Variants in CAVIN4 observed in about 807,000 individuals in gnomAD.
CAVIN4 encodes caveolae-associated protein 4.
A neutral mutation model predicts 18.6 loss-of-function variants in CAVIN4; 10 were observed. The ratio of observed to expected loss-of-function variants is 0.54; its 90% CI spans 0.33 to 0.91. The LOEUF is 0.91. Among genes scored for constraint, CAVIN4 ranks in the 40% least tolerant of loss-of-function variants. The pLI is 0.02. For synonymous variants in CAVIN4, 173 were observed against 164.8 expected (o/e 1.05, Z -0.38); for missense variants, 459 against 440.5 (o/e 1.04, Z -0.38).
intron 1 of CAVIN4, among the ~76,000 whole-genome samples, chr9:100,583,525 G>T (rs545197421): frequency 2.0e-5 from 3 of 152,016 alleles, no homozygotes; most frequent in Non-Finnish European, 4.4e-5. Flanking sequence ...TGTTCTCCCT[G>T]CTTCTTTTCT....
Position 100,586,034 on chromosome 9 carries a change from G to C in CAVIN4, c.678G>C (p.Val226=), listed in dbSNP as rs201259397. 3.3e-5 allele frequency: 53 copies of C among 1,614,094 alleles called. No homozygotes were observed. The highest frequency in any genetic ancestry group is 1.7e-6 in the Non-Finnish European group (2 of 1,180,040). ...TGAACAGAATTAGAACTAGAATAGTGACCCCGGAGAGGAGAGAGAGGCTAA... is the reference window on the plus strand; with the variant it reads ...TGAACAGAATTAGAACTAGAATAGTCACCCCGGAGAGGAGAGAGAGGCTAA... ...KKVNRIRTRI[V]TPERRERLRQ... Residue 226 remains valine, a synonymous_variant, in exon 2 of 2, where the codon GTG becomes GTC. Coordinates refer to ENST00000307584, the MANE Select transcript of CAVIN4 (RefSeq NM_001018116.2).
upstream of CAVIN4, among the ~76,000 whole-genome samples, chr9:100,577,909 T>G (rs1428909078): frequency 6.6e-6 from 1 of 152,208 alleles, no homozygotes; most frequent in Admixed American, 6.5e-5. Flanking sequence ...ACAGTCTTAT[T>G]TGAGTCCCTT....
At position 100,578,125 on chromosome 9, in the gene CAVIN4, AC is replaced by A. The variant is rs770945645; in HGVS notation, c.-18del. On this transcript the variant is annotated 5_prime_UTR_variant, in exon 1 of 2. Coordinates refer to ENST00000307584, the MANE Select transcript of CAVIN4 (RefSeq NM_001018116.2). ...GAATTGATTGTGGTTAGGACATCTT[AC>A]GCTGAGAAATAAATAAAATGGAACA... 6 of 1,612,974 alleles carry A rather than the reference AC, an allele frequency of 3.7e-6. No homozygotes were observed. The East Asian group carries it at 1.1e-4, about 30-fold the overall frequency.
intron 1 of CAVIN4, among the ~76,000 whole-genome samples, chr9:100,581,715 C>G (rs186303125): frequency 6.6e-6 from 1 of 152,254 alleles, no homozygotes; most frequent in East Asian, 1.9e-4. Flanking sequence ...CTGGGCTAAG[C>G]TATATCTGAT....
chr9:100,583,732 C>T (rs547475810), intron 1 of CAVIN4, among the ~76,000 whole-genome samples: 4 of 151,726 alleles, frequency 2.6e-5, no homozygotes, highest in East Asian at 1.9e-4. Flanking sequence ...CTGCAACCTC[C>T]GCCTCCCGGG....
In CAVIN4 at chr9:100,587,365, G is replaced by GT. The variant is rs1304903889; in HGVS notation, c.*915dup. ...CTATAGCACTAAATTTGTTTAAGCA[G>GT]TATGAGGCATAAAATTGTGACTATG... On this transcript the variant is annotated 3_prime_UTR_variant, in exon 2 of 2. Coordinates refer to ENST00000307584, the MANE Select transcript of CAVIN4 (RefSeq NM_001018116.2). The GT allele has an allele frequency of 6.6e-6, 1 of 152,154 alleles. No individual in the cohort carries two copies. Among genetic ancestry groups the GT allele is most frequent in the East Asian group, 1.9e-4 (1 of 5,192 alleles). The allele number at this position is 152,154 out of a possible 1,614,324, so 9.4% of individuals were successfully genotyped here.
chr9:100,578,107 T>C lies in CAVIN4; in HGVS notation c.-37T>C. 1 of 1,609,938 alleles carries C rather than the reference T, an allele frequency of 6.2e-7. No homozygotes were observed. Among genetic ancestry groups the C allele is most frequent in the Non-Finnish European group, 8.5e-7 (1 of 1,177,864 alleles). On this transcript the variant is annotated 5_prime_UTR_variant, in exon 1 of 2. Coordinates refer to ENST00000307584, the MANE Select transcript of CAVIN4 (RefSeq NM_001018116.2). ...TTTTTGCTCCAAGTGCCAGAATTGA[T>C]TGTGGTTAGGACATCTTACGCTGAG...
At chr9:100,585,093 T>C (rs567111920) in intron 1 of CAVIN4, among the ~76,000 whole-genome samples, 105 of 152,208 alleles carry the variant, frequency 6.9e-4, no homozygotes, top group Non-Finnish European at 1.2e-3. Flanking sequence ...TTTAGTAATA[T>C]TCTCAGAAAA....
At chr9:100,585,099 G>T (rs1399699399) in intron 1 of CAVIN4, among the ~76,000 whole-genome samples, 3 of 152,208 alleles carry the variant, frequency 2.0e-5, no homozygotes, top group Non-Finnish European at 2.9e-5. Context: ...AATATTCTCA[G>T]AAAATACTTA....
chr9:100,585,944 T>C lies in CAVIN4; in HGVS notation c.588T>C (p.Asp196=). The change falls in exon 2 of 2, where the codon GAT becomes GAC. Residue 196 remains aspartate (D), a synonymous_variant. Coordinates refer to ENST00000307584, the MANE Select transcript of CAVIN4 (RefSeq NM_001018116.2). ...RLRKSGKEHI[D]NIKKAFSKEN... is the part of the protein sequence containing the mutation. ...GGAAGTCAGGCAAGGAGCACATTGA[T>C]AATATCAAGAAGGCATTTTCCAAAG... The C allele has an allele frequency of 1.2e-6, 2 of 1,614,046 alleles. No homozygotes were observed. The highest frequency in any genetic ancestry group is 1.1e-5 in the South Asian group (1 of 91,066).
At chr9:100,581,616 A>C (rs528545916) in intron 1 of CAVIN4, among the ~76,000 whole-genome samples, 57 of 152,234 alleles carry the variant, frequency 3.7e-4, no homozygotes, top group Middle Eastern at 3.4e-3. Flanking sequence ...CGTAACAAGT[A>C]CTTTTTTCTG....
At chr9:100,582,348 C>G (rs891541543) in intron 1 of CAVIN4, among the ~76,000 whole-genome samples, 14 of 152,054 alleles carry the variant, frequency 9.2e-5, no homozygotes, top group Admixed American at 9.2e-4. Flanking sequence ...CTCTCTCTCT[C>G]TCTCTCTCTT....
rs1428068352 is a variant in CAVIN4 at position 100,588,256 on chromosome 9, A to T, written c.*1805A>T. ...ATGTTGTTACCTTTTTATATTGAAAACTAAAGTGTATACAACATTGGATAA... is the reference window on the plus strand; with the variant it reads ...ATGTTGTTACCTTTTTATATTGAAATCTAAAGTGTATACAACATTGGATAA... On this transcript the variant is annotated 3_prime_UTR_variant, in exon 2 of 2. Coordinates refer to ENST00000307584, the MANE Select transcript of CAVIN4 (RefSeq NM_001018116.2). Among the ~76,000 whole-genome samples, 2 of 152,230 alleles carry T rather than the reference A, an allele frequency of 1.3e-5. No homozygotes were observed. The highest frequency in any genetic ancestry group is 2.9e-5 in the Non-Finnish European group (2 of 68,040).
intron 1 of CAVIN4, among the ~76,000 whole-genome samples, chr9:100,581,739 G>T (rs1587866834): frequency 6.6e-6 from 1 of 152,290 alleles, no homozygotes; most frequent in East Asian, 1.9e-4. Flanking sequence ...TTCACAGCAA[G>T]ATTGTGTTTT....
intron 1 of CAVIN4, among the ~76,000 whole-genome samples, chr9:100,581,870 G>A (rs1270429744): frequency 6.6e-6 from 1 of 152,170 alleles, no homozygotes; most frequent in African/African-American, 2.4e-5. Flanking sequence ...CAGGAAAGGA[G>A]AGGAATAATT....
chr9:100,581,912 A>G (rs1253642781), intron 1 of CAVIN4, among the ~76,000 whole-genome samples: 1 of 152,210 alleles, frequency 6.6e-6, no homozygotes, highest in Non-Finnish European at 1.5e-5. Flanking sequence ...TCAGAGAGCT[A>G]TGAGACGCCC....
At chr9:100,579,366 C>A (rs1325687727) in intron 1 of CAVIN4, among the ~76,000 whole-genome samples, 5 of 152,072 alleles carry the variant, frequency 3.3e-5, no homozygotes, top group African/African-American at 7.2e-5. Flanking sequence ...AACATTCCTT[C>A]ACAGTAGAAA....
Position 100,578,537 on chromosome 9 carries a change from G to T in CAVIN4, c.394G>T (p.Val132Leu), listed in dbSNP as rs147081785. The change falls in exon 1 of 2, where the codon GTG (valine) becomes TTG (leucine). Residue 132 changes from valine to leucine, a missense_variant. Physicochemically the swap from Val to Leu is conservative, Grantham distance 32. Coordinates refer to ENST00000307584, the MANE Select transcript of CAVIN4 (RefSeq NM_001018116.2). ...AATAATGAAGAAAAACAAATTCCGC[G>T]TGGTAATATTCCAGGTAAGCTTGCA... is the stretch of plus-strand genomic sequence containing the variant. The part of the protein sequence containing the change: ...EEIMKKNKFR[V>L]VIFQEKFRCP... 1 of 1,613,094 alleles carries T rather than the reference G, an allele frequency of 6.2e-7. No homozygotes were observed. Among genetic ancestry groups the T allele is most frequent in the East Asian group, 2.2e-5 (1 of 44,884 alleles).
intron 1 of CAVIN4, among the ~76,000 whole-genome samples, chr9:100,582,731 T>G (rs1045085402): frequency 6.6e-6 from 1 of 152,200 alleles, no homozygotes; most frequent in Non-Finnish European, 1.5e-5. Context: ...TGTCCTTTTT[T>G]TTCTTTTCTC....
Sources: gnomAD v4.1 joint callset for allele counts (sites outside exome capture counted in the v4.1 genomes callset) on GRCh38, gnomAD v4.1.1 for gene constraint, MANE v1.5 for transcripts, NCBI Gene and HGNC (gene_info 2026-07-23, HGNC 2026-07-21) for gene names.